The following COP1 variants were observed in gnomAD, a reference collection of about 807,000 sequenced individuals.
COP1 encodes E3 ubiquitin-protein ligase COP1.
In COP1, 24 loss-of-function variants were observed where a neutral mutation model predicts 101.3. The ratio of observed to expected loss-of-function variants is 0.24; its 90% CI spans 0.17 to 0.33. The LOEUF (loss-of-function observed/expected upper bound fraction) is 0.33, where lower values mean the gene tolerates loss of function less well. Ranked by LOEUF, COP1 falls within the 10% of genes least tolerant of loss-of-function variation. The probability of loss-of-function intolerance (pLI) is 1.00; values close to 1 mark genes in which losing one functional copy is unlikely to be tolerated. For missense variants in COP1, 663 were observed against 906.2 expected, an observed-to-expected ratio of 0.73 and a Z score of 3.45; for synonymous variants, 347 against 341.9, an observed-to-expected ratio of 1.01 and a Z score of -0.17.
chr1:176,189,389 T>C (rs1391657763), intron 1 of COP1, among the ~76,000 whole-genome samples: 2 of 152,096 alleles, frequency 1.3e-5, no homozygotes, highest in Non-Finnish European at 2.9e-5. Flanking sequence ...TGTTTCTTTT[T>C]CCGTTGGGAA....
At chr1:176,041,976 G>T (rs1327176072) in intron 14 of COP1, among the ~76,000 whole-genome samples, 3 of 152,132 alleles carry the variant, frequency 2.0e-5, no homozygotes, top group Non-Finnish European at 4.4e-5. Context: ...GCCGGACATG[G>T]TGGCACGTGC....
intron 11 of COP1, among the ~76,000 whole-genome samples, chr1:176,057,017 T>C (rs559927200): frequency 2.0e-5 from 3 of 152,324 alleles, no homozygotes; most frequent in African/African-American, 4.8e-5. Flanking sequence ...AAAATATTTA[T>C]ACTTCTCATC....
rs1042054220 is a variant in COP1, at chr1:176,177,647, G to A, written c.468-1640C>T. ...TTCTAAGAAATTACAAAGGTGATCT[G>A]TAAAAATCATTCCCACAGAGAAAGT... On this transcript the variant is annotated intron_variant, in intron 2 of 19. Coordinates refer to ENST00000367669, the MANE Select transcript of COP1 (RefSeq NM_022457.7). Among the ~76,000 whole-genome samples the A allele has an allele frequency of 2.0e-5, 3 of 152,066 alleles. No individual in the cohort carries two copies. In the East Asian group the frequency reaches 5.8e-4, roughly 29 times the overall value.
chr1:176,205,508 C>T (rs1700743020), intron 1 of COP1, among the ~76,000 whole-genome samples: 1 of 152,192 alleles, frequency 6.6e-6, no homozygotes, highest in Admixed American at 6.5e-5. Context: ...AATCAACTTC[C>T]CTCATAATGA....
chr1:176,048,986 C>T (rs866850925), intron 11 of COP1, among the ~76,000 whole-genome samples: 1 of 150,902 alleles, frequency 6.6e-6, no homozygotes. Context: ...TCCTGGCTAA[C>T]AAGGTGAAAC....
At chr1:176,049,178 CAAAAAAAAAAAAA>C (rs61267982) in intron 11 of COP1, among the ~76,000 whole-genome samples, 4 of 118,362 alleles carry the variant, frequency 3.4e-5, no homozygotes. Context: ...GACTCCGTCT[CAAAAAAAAAAAAA>C]AAAAAAAAAA....
intron 18 of COP1, among the ~76,000 whole-genome samples, chr1:175,962,912 C>T (rs1004173412): frequency 2.6e-5 from 4 of 152,028 alleles, no homozygotes; most frequent in Admixed American, 6.6e-5. Context: ...TGATTATATC[C>T]GCAAACATAG....
intron 15 of COP1, among the ~76,000 whole-genome samples, chr1:175,991,290 T>C (rs1658374334): frequency 6.6e-6 from 1 of 152,308 alleles, no homozygotes; most frequent in African/African-American, 2.4e-5. Flanking sequence ...CTATGTATCA[T>C]GTTACTGTAC....
At chr1:176,162,728 G>T in intron 5 of COP1, 141 bp downstream of exon 5, 1 of 561,148 alleles carries the variant, frequency 1.8e-6, no homozygotes, top group Non-Finnish European at 2.9e-6. Context: ...TCTAGCAGAA[G>T]TGACACTTTG....
At position 176,173,689 on chromosome 1, in the gene COP1, T is replaced by C. The variant is rs545683459; in HGVS notation, c.565+2221A>G. On this transcript the variant is annotated intron_variant, in intron 3 of 19. Transcript: ENST00000367669. ...GACTTCACTGTTCATTAGATACATA[T>C]ATTTGAGAATATCTAAGGCCAGGCG... Among the ~76,000 whole-genome samples, 72 of 150,272 alleles carry C rather than the reference T, an allele frequency of 4.8e-4. No individual in the cohort carries two copies. The South Asian group carries it at 7.4e-3, about 15-fold the overall frequency.
chr1:176,206,696 G>A lies in COP1; in HGVS notation c.283C>T (p.Pro95Ser). The stretch of plus-strand genomic sequence containing the variant: ...CTGCTGCCTCCTACGCCGGCGCTGG[G>A]CCTGGCCGCGCAGCTGTGCCGGGAC... The part of the protein sequence containing the change: ...GLSRHSCAAR[P>S]SAGVGGSSSS... Residue 95 changes from proline (P) to serine (S), a missense_variant, in exon 1 of 20, where the codon CCC (proline) becomes TCC (serine). By Grantham distance (74) the Pro-to-Ser change is moderately conservative. Transcript: ENST00000367669. 3.1e-6 allele frequency: 5 copies of A among 1,603,950 alleles called. No homozygotes were observed. The highest frequency in any genetic ancestry group is 4.2e-6 in the Non-Finnish European group (5 of 1,179,040).
At chr1:175,947,313 T>TG in intron 18 of COP1, 74 bp from the exon 19 acceptor site, 1 of 946,082 alleles carries the variant, frequency 1.1e-6, no homozygotes, top group Non-Finnish European at 1.7e-6. Context: ...AATTTCCTCT[T>TG]CATCCTTCTT....
intron 3 of COP1, among the ~76,000 whole-genome samples, chr1:176,166,787 C>T (rs1695219601): frequency 6.6e-6 from 1 of 151,932 alleles, no homozygotes; most frequent in Non-Finnish European, 1.5e-5. Context: ...AAATACAAAA[C>T]TTTCCCAGGT....
chr1:176,140,131 C>T (rs186121211), intron 6 of COP1, among the ~76,000 whole-genome samples: 150 of 152,244 alleles, frequency 9.9e-4, no homozygotes, highest in Admixed American at 1.8e-3. Context: ...ACTCTAATGT[C>T]TTCTCTGAAA....
In COP1 at chr1:176,176,023, G is replaced by GAC. The variant is rs1558262276; in HGVS notation, c.468-17_468-16insGT. On this transcript the variant is annotated splice_polypyrimidine_tract_variant and intron_variant, in intron 2 of 19. Coordinates refer to ENST00000367669, the MANE Select transcript of COP1 (RefSeq NM_022457.7). ...ACACTTGTAGCTATTAGTAGGGGGG[G>GAC]AAAAAAAAGGCTTAATTAAATCAAT... is the stretch of plus-strand genomic sequence containing the variant. 1.2e-5 allele frequency: 14 copies of GAC among 1,179,688 alleles called. No individual in the cohort carries two copies. Among genetic ancestry groups the GAC allele is most frequent in the Non-Finnish European group, 1.7e-5 (14 of 811,494 alleles). 73.1% of individuals were successfully genotyped at this position (1,179,688 alleles called of 1,614,324 possible). A position where few individuals can be genotyped will look rare whatever the true frequency, so the allele number is the denominator to read the frequency against.
chr1:175,965,987 G>A (rs1361125019), intron 18 of COP1, among the ~76,000 whole-genome samples: 1 of 152,160 alleles, frequency 6.6e-6, no homozygotes, highest in Non-Finnish European at 1.5e-5. Flanking sequence ...CCAAGTGAGA[G>A]TCCATACAAA....
chr1:176,176,144 T>G (rs1696902944), intron 2 of COP1, 137 bp from the exon 3 acceptor site: 3 of 551,628 alleles, frequency 5.4e-6, no homozygotes, highest in Non-Finnish European at 3.2e-6. Flanking sequence ...TTGCTTATAT[T>G]TTTACATTAT....
In COP1 at chr1:175,986,997, T is replaced by A. The variant is rs1481964865; in HGVS notation, c.2079A>T (p.Glu693Asp). 6.2e-7 allele frequency: 1 copy of A among 1,611,790 alleles called. No homozygotes were observed. Reference protein sequence around the residue: ...VKSVLDKDRKEDDTNEFVSAV... With the variant: ...VKSVLDKDRKDDDTNEFVSAV... ...CACTAACAAATTCATTTGTATCATC[T>A]TCTTTTCGGTCTTTGTCGAGAACAC... is the stretch of plus-strand genomic sequence containing the variant. The change falls in exon 18 of 20, where the codon GAA becomes GAT. Residue 693 changes from glutamate to aspartate, a missense_variant. Physicochemically the swap from Glu to Asp is conservative, Grantham distance 45 (BLOSUM62 2). Coordinates refer to ENST00000367669, the MANE Select transcript of COP1 (RefSeq NM_022457.7).
chr1:175,988,551 G>A lies in COP1; in HGVS notation c.1848-139C>T, dbSNP rs60300844. On this transcript the variant is annotated intron_variant, in intron 16 of 19. Transcript: ENST00000367669. The stretch of plus-strand genomic sequence containing the variant: ...GACTGAGTTAGCACGTTCATCTGTC[G>A]GCCAGGCGTGGTGGCTCACGCTTGT... 1.1e-3 allele frequency: 870 copies of A among 762,232 alleles called. 10 individuals are homozygous for A. The African/African-American group carries it at 0.013, about 11-fold the overall frequency. 47.2% of individuals were successfully genotyped at this position (762,232 alleles called of 1,614,324 possible). A position where few individuals can be genotyped will look rare whatever the true frequency, so the allele number is the denominator to read the frequency against.
Sources: gnomAD v4.1 joint callset for allele counts (sites outside exome capture counted in the v4.1 genomes callset) on GRCh38, gnomAD v4.1.1 for gene constraint, MANE v1.5 for transcripts, NCBI Gene and HGNC (gene_info 2026-07-23, HGNC 2026-07-21) for gene names.